The following IQSEC1 variants were observed in gnomAD, a reference collection of about 807,000 sequenced individuals.
IQSEC1 encodes the protein IQ motif and Sec7 domain ArfGEF 1, also known as IQ motif and SEC7 domain-containing protein 1.
A neutral mutation model predicts 91.0 loss-of-function variants in IQSEC1; 31 were observed. The observed-to-expected ratio is 0.34, with a 90% CI of 0.26 to 0.46. The LOEUF (loss-of-function observed/expected upper bound fraction) is 0.46, where lower values mean the gene tolerates loss of function less well. IQSEC1 is among the 20% of genes least tolerant of loss of function. The probability of loss-of-function intolerance (pLI) is 1.00; values close to 1 mark genes in which losing one functional copy is unlikely to be tolerated. For synonymous variants in IQSEC1, 699 were observed against 662.6 expected, an observed-to-expected ratio of 1.05 and a Z score of -0.84; for missense variants, 1,388 against 1,575.6, an observed-to-expected ratio of 0.88 and a Z score of 2.02.
At chr3:13,141,732 T>C (rs766835945) in intron 2 of IQSEC1, among the ~76,000 whole-genome samples, 4 of 152,192 alleles carry the variant, frequency 2.6e-5, no homozygotes, top group Non-Finnish European at 2.9e-5. Flanking sequence ...TCTGTGTTCT[T>C]CCTGGGAAAT....
At chr3:13,174,682 G>A (rs1056221870) in intron 1 of IQSEC1, among the ~76,000 whole-genome samples, 12 of 152,074 alleles carry the variant, frequency 7.9e-5, no homozygotes, top group African/African-American at 2.7e-4. Flanking sequence ...GTGTCCTCGT[G>A]GGTCCCCAGC....
At chr3:13,095,537 C>A (rs1705939682) in intron 2 of IQSEC1, among the ~76,000 whole-genome samples, 1 of 152,140 alleles carries the variant, frequency 6.6e-6, no homozygotes, top group African/African-American at 2.4e-5. Flanking sequence ...GGCCGAGTTG[C>A]TTCCTGCTCA....
chr3:12,913,372 A>G, intron 9 of IQSEC1, 56 bp downstream of exon 9: 1 of 1,525,630 alleles, frequency 6.6e-7, no homozygotes, highest in Non-Finnish European at 8.9e-7. Context: ...CCAGACATGG[A>G]CCCTGGGCTC....
At chr3:13,210,659 A>G (rs1236290413) in intron 1 of IQSEC1, among the ~76,000 whole-genome samples, 1 of 152,106 alleles carries the variant, frequency 6.6e-6, no homozygotes, top group Non-Finnish European at 1.5e-5. Flanking sequence ...ACTGGAGTCC[A>G]CTAACAGCCG....
At chr3:13,161,596 G>A (rs920780298) in intron 2 of IQSEC1, among the ~76,000 whole-genome samples, 4 of 152,210 alleles carry the variant, frequency 2.6e-5, no homozygotes, top group African/African-American at 9.7e-5. Context: ...AGCTGCATGG[G>A]AAGAAACACA....
intron 12 of IQSEC1, among the ~76,000 whole-genome samples, chr3:12,907,681 C>T (rs1429073736): frequency 1.3e-5 from 2 of 152,242 alleles, no homozygotes; most frequent in African/African-American, 2.4e-5. Context: ...TTGCTGCTCC[C>T]GGTGCCCCAC....
intron 2 of IQSEC1, among the ~76,000 whole-genome samples, chr3:13,091,230 C>T (rs1314521844): frequency 4.6e-5 from 7 of 152,188 alleles, no homozygotes; most frequent in Non-Finnish European, 8.8e-5. Flanking sequence ...CACCACTCTC[C>T]GAGGGCAGCA....
At chr3:12,984,910 C>T (rs371996997) in intron 1 of IQSEC1, among the ~76,000 whole-genome samples, 13 of 149,248 alleles carry the variant, frequency 8.7e-5, no homozygotes, top group Middle Eastern at 3.5e-3. Flanking sequence ...CTGCAAGCTC[C>T]GCCTCTTGGG....
chr3:13,063,708 G>C (rs1705144759), intron 1 of IQSEC1, among the ~76,000 whole-genome samples: 1 of 152,268 alleles, frequency 6.6e-6, no homozygotes, highest in Non-Finnish European at 1.5e-5. Flanking sequence ...CCAGGCCCCA[G>C]CTGGCAGCAA....
chr3:13,146,878 G>A (rs1048516549), intron 2 of IQSEC1, among the ~76,000 whole-genome samples: 4 of 152,144 alleles, frequency 2.6e-5, no homozygotes, highest in Non-Finnish European at 4.4e-5. Flanking sequence ...ATCCTGCTCC[G>A]GGCTGCATAA....
At chr3:13,276,310 A>G (rs357153) in intron 1 of IQSEC1, among the ~76,000 whole-genome samples, 113,278 of 151,640 alleles carry the variant, frequency 0.75, 43,132 homozygotes, top group East Asian at 0.97. Context: ...GGATGGTCTC[A>G]ATCTCCTGAC....
intron 1 of IQSEC1, among the ~76,000 whole-genome samples, chr3:13,205,829 C>T (rs1350712855): frequency 1.3e-5 from 2 of 150,584 alleles, no homozygotes; most frequent in Non-Finnish European, 3.0e-5. Context: ...TCCAACCATC[C>T]ATCCATGCCT....
rs765914797 is a variant in IQSEC1, at chr3:12,899,415, A to C, written c.*1568T>G. 16 of 1,611,972 alleles carry C rather than the reference A, an allele frequency of 9.9e-6. No individual in the cohort carries two copies. In the African/African-American group the frequency reaches 2.0e-4, roughly 20 times the overall value. ...TTAGGAGCACAGCACTGACGGCTGC[A>C]GTGGCTCGAAAGGCTGAAACTACAA... On this transcript the variant is annotated 3_prime_UTR_variant, in exon 14 of 14. Coordinates refer to ENST00000613206, the MANE Select transcript of IQSEC1 (RefSeq NM_001134382.3).
intron 1 of IQSEC1, among the ~76,000 whole-genome samples, chr3:13,227,926 C>T (rs1694784998): frequency 6.6e-6 from 1 of 152,180 alleles, no homozygotes; most frequent in African/African-American, 2.4e-5. Flanking sequence ...TGGATGCTGC[C>T]TCCACCCCAG....
intron 1 of IQSEC1, among the ~76,000 whole-genome samples, chr3:13,170,537 C>T (rs1416406080): frequency 6.6e-6 from 1 of 152,168 alleles, no homozygotes; most frequent in Non-Finnish European, 1.5e-5. Context: ...ACACTCAATG[C>T]CAGCCAGTGA....
At position 12,901,397 on chromosome 3, in the gene IQSEC1, T is replaced by G. The variant is rs1260847814; in HGVS notation, c.2931A>C (p.Arg977Ser). The change falls in exon 14 of 14, where the codon AGA becomes AGC. Residue 977 changes from arginine (R) to serine (S), a missense_variant. Physicochemically the swap from Arg to Ser is moderately radical, Grantham distance 110. Coordinates refer to ENST00000613206, the MANE Select transcript of IQSEC1 (RefSeq NM_001134382.3). Reference protein sequence around the residue: ...SLLGSLFGSKRGKPPPQAHLP... With the variant: ...SLLGSLFGSKSGKPPPQAHLP... ...GGTGGGCCTGGGGAGGGGGCTTCCC[T>G]CTCTTGCTCCCGAATAAGGAGCCCA... 6.5e-7 allele frequency: 1 copy of G among 1,544,294 alleles called. No individual in the cohort carries two copies. Among genetic ancestry groups the G allele is most frequent in the African/African-American group, 1.4e-5 (1 of 73,008 alleles).
At chr3:13,254,801 G>A (rs927067783) in intron 1 of IQSEC1, among the ~76,000 whole-genome samples, 2 of 152,156 alleles carry the variant, frequency 1.3e-5, no homozygotes, top group East Asian at 1.9e-4. Context: ...AATCCTGGAC[G>A]GCCCTGCCTG....
intron 1 of IQSEC1, among the ~76,000 whole-genome samples, chr3:12,989,725 C>T (rs1344384420): frequency 1.3e-5 from 2 of 152,242 alleles, no homozygotes; most frequent in African/African-American, 4.8e-5. Context: ...CACCCGCCCT[C>T]AACCCTCCTG....
rs1056319337 is a variant in IQSEC1 at position 13,008,435 on chromosome 3, C to T, written c.23+64557G>A. 6.6e-6 allele frequency among the ~76,000 whole-genome samples: 1 copy of T among 152,156 alleles called. No individual in the cohort carries two copies. Among genetic ancestry groups the T allele is most frequent in the African/African-American group, 2.4e-5 (1 of 41,422 alleles). ...ACCCTCTGTCCTTTGAGCCTGAATC[C>T]CCAGGGGGCTGTTCATACTCCTCTT... On this transcript the variant is annotated intron_variant, in intron 1 of 13. Coordinates refer to ENST00000613206, the MANE Select transcript of IQSEC1 (RefSeq NM_001134382.3). The surrounding 1 kb of genome is among the most constrained non-coding windows in gnomAD (Gnocchi z 4.1).
Sources: allele counts gnomAD v4.1 joint callset (sites outside exome capture counted in the v4.1 genomes callset), GRCh38; gene constraint gnomAD v4.1.1; non-coding constraint Gnocchi (gnomAD v3.1); transcripts MANE v1.5; gene names NCBI Gene and HGNC (gene_info 2026-07-23, HGNC 2026-07-21).